TNS1: variants seen among roughly 807,000 people sequenced by gnomAD.
The protein encoded by TNS1 is tensin 1.
In TNS1, 62 loss-of-function variants were observed where a neutral mutation model predicts 168.6. That is an observed-to-expected ratio of 0.37 (90% CI 0.30 to 0.45). The LOEUF is 0.45. Among genes scored for constraint, TNS1 ranks in the 20% least tolerant of loss-of-function variants. TNS1 has a pLI of 1.00. For missense variants in TNS1, 2,240 were observed against 2,339.4 expected, an observed-to-expected ratio of 0.96 and a Z score of 0.88; for synonymous variants, 934 against 933.2, an observed-to-expected ratio of 1.00 and a Z score of -0.02.
intron 18 of TNS1, among the ~76,000 whole-genome samples, chr2:217,869,389 G>A (rs1024330329): frequency 2.6e-5 from 4 of 152,252 alleles, no homozygotes; most frequent in Admixed American, 6.5e-5. Context: ...ATCCAGCAAG[G>A]AATCATTTGG....
intron 3 of TNS1, among the ~76,000 whole-genome samples, chr2:217,927,271 C>T (rs969578293): frequency 1.3e-5 from 2 of 152,116 alleles, no homozygotes; most frequent in Admixed American, 6.5e-5. Flanking sequence ...CCACAAGAAG[C>T]CCCCCTTTGG....
intron 18 of TNS1, among the ~76,000 whole-genome samples, chr2:217,858,958 GCCCAGCCCCAGC>G (rs60001129): frequency 1.7e-5 from 2 of 114,702 alleles, no homozygotes; most frequent in Non-Finnish European, 3.4e-5. Context: ...CCCAACCCCA[GCCCAGCCCCAGC>G]CCCAGCCCCA....
At chr2:217,959,397 T>G (rs1957440967) in intron 3 of TNS1, among the ~76,000 whole-genome samples, 1 of 152,028 alleles carries the variant, frequency 6.6e-6, no homozygotes, top group African/African-American at 2.4e-5. Context: ...ACCTGGTGTC[T>G]TAGCATGGAA....
intron 18 of TNS1, among the ~76,000 whole-genome samples, chr2:217,860,072 C>G (rs1193718247): frequency 6.6e-6 from 1 of 152,190 alleles, no homozygotes; most frequent in Non-Finnish European, 1.5e-5. Context: ...TCCACAGACA[C>G]AGGCTTGCCC....
rs563828420 is a variant in TNS1 at position 218,019,929 on chromosome 2, C to T, written c.156+13891G>A. The stretch of plus-strand genomic sequence containing the variant: ...AGTCCAGAGTAGCTATCCCCCTGCC[C>T]GCTCCCCCACTCCCCGGCTGCAGCC... On this transcript the variant is annotated intron_variant, in intron 1 of 1. Coordinates refer to the TNS1 transcript ENST00000649572. Among the ~76,000 whole-genome samples the T allele has an allele frequency of 8.5e-5, 13 of 152,168 alleles. No individual in the cohort carries two copies. The South Asian group carries it at 1.7e-3, about 19-fold the overall frequency.
At chr2:217,932,981 T>C (rs1956402654) in intron 3 of TNS1, among the ~76,000 whole-genome samples, 1 of 152,108 alleles carries the variant, frequency 6.6e-6, no homozygotes, top group African/African-American at 2.4e-5. Flanking sequence ...AAGCAGAAAG[T>C]CCCGAGGGCA....
chr2:217,851,338 A>G (rs1947455276), intron 18 of TNS1, among the ~76,000 whole-genome samples: 1 of 152,070 alleles, frequency 6.6e-6, no homozygotes, highest in African/African-American at 2.4e-5. Flanking sequence ...ACCACAAAAC[A>G]GGAACATCCC....
intron 3 of TNS1, among the ~76,000 whole-genome samples, chr2:217,976,529 C>T (rs1027739672): frequency 1.3e-5 from 2 of 152,234 alleles, no homozygotes; most frequent in African/African-American, 4.8e-5. Context: ...TGCCTGGTTG[C>T]TGCCCTGCCA....
chr2:217,988,484 A>G lies in TNS1; in HGVS notation c.148+2458T>C, dbSNP rs535629127. On this transcript the variant is annotated intron_variant, in intron 2 of 32. Coordinates refer to ENST00000682258, the MANE Select transcript of TNS1 (RefSeq NM_001387777.1). ...CACCCCCAGACTGCCTCGTATCACC[A>G]TATTGGGAGTCCCTGGAGTGACGGG... 2.0e-5 allele frequency among the ~76,000 whole-genome samples: 3 copies of G among 152,244 alleles called. No individual in the cohort carries two copies. The South Asian group carries it at 6.2e-4, about 32-fold the overall frequency.
intron 19 of TNS1, among the ~76,000 whole-genome samples, chr2:217,847,249 G>T (rs1946775848): frequency 6.6e-6 from 1 of 152,226 alleles, no homozygotes; most frequent in Non-Finnish European, 1.5e-5. Context: ...TCATCTGTCT[G>T]TGTATCTGTC....
chr2:217,928,571 G>A (rs879940951), intron 3 of TNS1, among the ~76,000 whole-genome samples: 2 of 152,206 alleles, frequency 1.3e-5, no homozygotes, highest in Non-Finnish European at 2.9e-5. Flanking sequence ...AGACAGTGGG[G>A]ACAGGGAGTG....
chr2:217,873,776 T>A (rs763726239), intron 18 of TNS1, among the ~76,000 whole-genome samples: 1 of 152,126 alleles, frequency 6.6e-6, no homozygotes, highest in Non-Finnish European at 1.5e-5. Flanking sequence ...CCTACAGAAG[T>A]GCCTCAGGAG....
At chr2:217,849,923 C>T (rs548214661) in intron 18 of TNS1, 1 of 985,364 alleles carries the variant, frequency 1.0e-6, no homozygotes, top group East Asian at 1.1e-4. Flanking sequence ...ACAAGCTTGC[C>T]CTCAGCTAGA....
intron 32 of TNS1, among the ~76,000 whole-genome samples, chr2:217,805,586 C>CACCACACACAT (rs1239116215): frequency 0.018 from 5 of 276 alleles, no homozygotes; most frequent in African/African-American, 0.029. Context: ...ACACACACAA[C>CACCACACACAT]ACACACCACC....
intron 8 of TNS1, among the ~76,000 whole-genome samples, 180 bp downstream of exon 8, chr2:217,897,618 T>C (rs760244473): frequency 2.0e-5 from 3 of 152,070 alleles, no homozygotes; most frequent in Non-Finnish European, 2.9e-5. Flanking sequence ...AGAGGAGAGC[T>C]GGGCTGGAGA....
intron 12 of TNS1, 44 bp from the exon 13 acceptor site, chr2:217,886,690 T>G: frequency 7.2e-7 from 1 of 1,392,930 alleles, no homozygotes; most frequent in Non-Finnish European, 1.0e-6. Context: ...AGGTGGGTAC[T>G]GGTGCAGTAA....
intron 22 of TNS1, among the ~76,000 whole-genome samples, chr2:217,823,529 G>A (rs1047339433): frequency 6.6e-6 from 1 of 152,178 alleles, no homozygotes. Context: ...AGTGGCTTCT[G>A]GGGTGGCCCT....
Position 217,847,912 on chromosome 2 carries a change from G to A in TNS1, c.2605C>T (p.Leu869Phe), listed in dbSNP as rs142336567. The change falls in exon 19 of 33, where the codon CTC becomes TTC. Residue 869 changes from leucine to phenylalanine, a missense_variant. By Grantham distance (22) the Leu-to-Phe change is conservative. Around this residue, in one of 2 missense-constraint regions of TNS1, gnomAD observed 2,131 missense variants for 2,171.2 expected, o/e 0.98. Coordinates refer to ENST00000682258, the MANE Select transcript of TNS1 (RefSeq NM_001387777.1). ...GATCCAGAGAGGGGCTGGGAGGAGAGTGGAGAAGCCCCTGGCCAGGCCCCG... is the reference window on the plus strand; with the variant it reads ...GATCCAGAGAGGGGCTGGGAGGAGAATGGAGAAGCCCCTGGCCAGGCCCCG... ...VPGAWPGASPLSSQPLSGSSR... is the reference protein window; with the variant it reads ...VPGAWPGASPFSSQPLSGSSR... 1.0e-5 allele frequency: 16 copies of A among 1,533,182 alleles called. No homozygotes were observed. Among genetic ancestry groups the A allele is most frequent in the African/African-American group, 1.4e-5 (1 of 73,152 alleles). 95.0% of individuals were successfully genotyped at this position (1,533,182 alleles called of 1,614,324 possible).
intron 3 of TNS1, among the ~76,000 whole-genome samples, chr2:217,972,063 A>G (rs1319379148): frequency 6.6e-6 from 1 of 152,240 alleles, no homozygotes; most frequent in East Asian, 1.9e-4. Flanking sequence ...ACAAAATAAT[A>G]AGTACATATT....
Sources: allele counts gnomAD v4.1 joint callset (sites outside exome capture counted in the v4.1 genomes callset), GRCh38; gene constraint gnomAD v4.1.1; regional missense constraint gnomAD v4.1.1; transcripts MANE v1.5; gene names NCBI Gene and HGNC (gene_info 2026-07-23, HGNC 2026-07-21).